Variants in FMO1 observed in about 807,000 individuals in gnomAD.
FMO1 encodes flavin containing dimethylaniline monoxygenase 1, also known as flavin-containing monooxygenase 1.
A neutral mutation model predicts 45.4 loss-of-function variants in FMO1; 36 were observed. That is an observed-to-expected ratio of 0.79 (90% CI 0.61 to 1.05). The LOEUF (loss-of-function observed/expected upper bound fraction) is 1.05. FMO1 is among the 50% of genes least tolerant of loss of function. FMO1 has a pLI of 0.00. For synonymous variants in FMO1, 228 were observed against 227.2 expected (o/e 1.00, Z -0.03); for missense variants, 615 against 640.3 (o/e 0.96, Z 0.43).
In FMO1 at chr1:171,282,340, A is replaced by G. The variant is rs1661395649; in HGVS notation, c.1183+7A>G. On this transcript the variant is annotated splice_region_variant and intron_variant, in intron 7 of 8. Transcript: ENST00000617670. Reference sequence around the variant, plus strand: ...GCTGTTCGAGTCCTGAAAGGTAAGTATAAGAAATAGCAGGGCATGTGTTTT... The same window carrying G: ...GCTGTTCGAGTCCTGAAAGGTAAGTGTAAGAAATAGCAGGGCATGTGTTTT... 2.5e-6 allele frequency: 4 copies of G among 1,580,654 alleles called. No individual in the cohort carries two copies. Among genetic ancestry groups the G allele is most frequent in the Non-Finnish European group, 2.6e-6 (3 of 1,154,852 alleles).
At position 171,268,308 on chromosome 1, in the gene FMO1, C is replaced by T. The variant is rs28360384; in HGVS notation, c.321+577C>T. Among the ~76,000 whole-genome samples, 387 of 152,252 alleles carry T rather than the reference C, an allele frequency of 2.5e-3. 1 individual carries two copies. The highest frequency in any genetic ancestry group is 8.9e-3 in the African/African-American group (370 of 41,552). On this transcript the variant is annotated intron_variant, in intron 3 of 8. Transcript: ENST00000617670. The stretch of plus-strand genomic sequence containing the variant: ...ACCATGTTGGCCATGCAGTCTCAAA[C>T]ACCTGGGCTCAAGCAATCCTCCTGC...
chr1:171,273,761 C>T (rs1660975986), intron 3 of FMO1, among the ~76,000 whole-genome samples: 1 of 152,186 alleles, frequency 6.6e-6, no homozygotes, highest in African/African-American at 2.4e-5. Flanking sequence ...AAGCTATCCT[C>T]CTGCCTTGGC....
intron 1 of FMO1, among the ~76,000 whole-genome samples, chr1:171,255,459 A>G (rs1168319862): frequency 6.6e-6 from 1 of 152,196 alleles, no homozygotes; most frequent in Non-Finnish European, 1.5e-5. Flanking sequence ...CTCCAGCTGT[A>G]CTTCCCTCTG....
At chr1:171,251,631 G>A (rs1659899032) in intron 1 of FMO1, 1 of 147,730 alleles carries the variant, frequency 6.8e-6, no homozygotes, top group Admixed American at 6.8e-5. Flanking sequence ...CTCTCGAGGG[G>A]TCACCAGCTG....
intron 8 of FMO1, among the ~76,000 whole-genome samples, chr1:171,284,759 G>C (rs1304149486): frequency 6.7e-6 from 1 of 149,366 alleles, no homozygotes; most frequent in Admixed American, 6.7e-5. Context: ...AAGAAAAAAA[G>C]AAAAGGAAAA....
chr1:171,252,718 G>T (rs1421430661), intron 1 of FMO1, among the ~76,000 whole-genome samples: 2 of 152,194 alleles, frequency 1.3e-5, no homozygotes, highest in Admixed American at 6.5e-5. Flanking sequence ...GGTGCACTGT[G>T]CTCACCACAC....
chr1:171,278,624 T>A (rs1661212241), intron 4 of FMO1, 105 bp from the exon 5 acceptor site: 1 of 886,782 alleles, frequency 1.1e-6, no homozygotes, highest in Non-Finnish European at 1.7e-6. Flanking sequence ...CTAGTAAAAA[T>A]GACCAAAATC....
chr1:171,283,029 A>G, intron 7 of FMO1, 115 bp from the exon 8 acceptor site: 1 of 672,160 alleles, frequency 1.5e-6, no homozygotes, highest in Non-Finnish European at 2.6e-6. Context: ...AGAAGGATCA[A>G]TGAGTAGCTG....
intron 2 of FMO1, among the ~76,000 whole-genome samples, chr1:171,265,440 A>T (rs1407704810): frequency 6.6e-6 from 1 of 152,114 alleles, no homozygotes; most frequent in African/African-American, 2.4e-5. Flanking sequence ...AATGCTTAGA[A>T]AAATGAAAAT....
intron 1 of FMO1, among the ~76,000 whole-genome samples, chr1:171,252,271 T>A (rs921488288): frequency 6.6e-5 from 10 of 152,126 alleles, no homozygotes; most frequent in African/African-American, 2.4e-4. Flanking sequence ...CATGAATGGT[T>A]AATATATATA....
chr1:171,253,368 C>T (rs185166980), intron 1 of FMO1, among the ~76,000 whole-genome samples: 9 of 152,244 alleles, frequency 5.9e-5, no homozygotes, highest in Admixed American at 3.3e-4. Flanking sequence ...ACCTGCACCA[C>T]GAAAAGCTCA....
chr1:171,282,568 C>G, intron 7 of FMO1: 1 of 418,488 alleles, frequency 2.4e-6, no homozygotes, highest in Non-Finnish European at 4.2e-6. Context: ...AAAAATATAA[C>G]AGTTGACATA....
chr1:171,283,746 T>C (rs72714184), intron 8 of FMO1, among the ~76,000 whole-genome samples: 2 of 152,284 alleles, frequency 1.3e-5, no homozygotes, highest in Non-Finnish European at 2.9e-5. Flanking sequence ...AAAAATCATA[T>C]GAAATGGAAA....
chr1:171,272,908 A>C (rs550946512), intron 3 of FMO1, among the ~76,000 whole-genome samples: 1 of 152,164 alleles, frequency 6.6e-6, no homozygotes, highest in Non-Finnish European at 1.5e-5. Context: ...TTGGGGGGGA[A>C]CTGTTGGGAA....
At chr1:171,273,015 G>T (rs1433982910) in intron 3 of FMO1, among the ~76,000 whole-genome samples, 3 of 152,158 alleles carry the variant, frequency 2.0e-5, no homozygotes, top group African/African-American at 7.2e-5. Context: ...ATGTCATCTT[G>T]AATTCTCACA....
intron 7 of FMO1, 151 bp from the exon 8 acceptor site, chr1:171,282,993 C>G: frequency 1.8e-6 from 1 of 554,782 alleles, no homozygotes; most frequent in Admixed American, 3.8e-5. Flanking sequence ...TACAACCAGT[C>G]AGCTCAGGCT....
At chr1:171,278,089 G>A (rs1571356389) in intron 4 of FMO1, among the ~76,000 whole-genome samples, 1 of 152,268 alleles carries the variant, frequency 6.6e-6, no homozygotes, top group East Asian at 1.9e-4. Context: ...ATCCTATCAA[G>A]TTAGCCCAGT....
chr1:171,263,695 G>A (rs772003960), intron 2 of FMO1, among the ~76,000 whole-genome samples: 11 of 151,902 alleles, frequency 7.2e-5, no homozygotes, highest in East Asian at 1.9e-4. Context: ...CTCCTAAGTC[G>A]CCCCATCCAT....
chr1:171,259,939 G>C (rs1232778092), intron 2 of FMO1, among the ~76,000 whole-genome samples: 3 of 152,176 alleles, frequency 2.0e-5, no homozygotes, highest in Non-Finnish European at 2.9e-5. Context: ...CTGCAAGTCA[G>C]AAACAGTGCT....
Sources: gnomAD v4.1 joint callset for allele counts (sites outside exome capture counted in the v4.1 genomes callset) on GRCh38, gnomAD v4.1.1 for gene constraint, MANE v1.5 for transcripts, NCBI Gene and HGNC (gene_info 2026-07-23, HGNC 2026-07-21) for gene names.